Variants in DAB1 observed in about 807,000 individuals in gnomAD.
DAB1 encodes the protein DAB adaptor protein 1, also known as disabled homolog 1.
Under a neutral mutation model 64.6 loss-of-function variants are expected in DAB1, and 15 were observed. The observed-to-expected ratio is 0.23, with a 90% CI of 0.16 to 0.36. The LOEUF is 0.36. DAB1 is among the 10% of genes least tolerant of loss of function. The pLI, the probability that DAB1 is intolerant of heterozygous loss-of-function variation, is 1.00. For synonymous variants in DAB1, 235 were observed against 251.9 expected (o/e 0.93, Z 0.64); for missense variants, 596 against 706.7 (o/e 0.84, Z 1.78).
At chr1:57,815,241 T>C (rs1254945668) in intron 6 of DAB1, among the ~76,000 whole-genome samples, 1 of 152,046 alleles carries the variant, frequency 6.6e-6, no homozygotes, top group Non-Finnish European at 1.5e-5. Flanking sequence ...GCTAATTTTT[T>C]GTATTTTTAG....
intron 4 of DAB1, among the ~76,000 whole-genome samples, chr1:58,151,314 G>A (rs1654922996): frequency 1.3e-5 from 2 of 152,342 alleles, no homozygotes; most frequent in African/African-American, 2.4e-5. Context: ...CACCAACAGT[G>A]TAAAAGTGTT....
intron 5 of DAB1, among the ~76,000 whole-genome samples, chr1:58,019,480 T>C (rs1474712231): frequency 2.6e-5 from 4 of 152,228 alleles, no homozygotes; most frequent in African/African-American, 4.8e-5. Flanking sequence ...AATTATTGCC[T>C]ACGTACTATG....
intron 5 of DAB1, among the ~76,000 whole-genome samples, chr1:57,974,175 T>C (rs1645864761): frequency 6.6e-6 from 1 of 152,160 alleles, no homozygotes; most frequent in South Asian, 2.1e-4. Flanking sequence ...GACTGTCTCC[T>C]CATTTAGATT....
intron 5 of DAB1, among the ~76,000 whole-genome samples, chr1:58,036,106 G>C (rs557925938): frequency 6.6e-6 from 1 of 152,314 alleles, no homozygotes; most frequent in Admixed American, 6.5e-5. Context: ...GGGAAACCGG[G>C]GTAGGAAGTT....
At chr1:57,710,959 T>C (rs535702263) in intron 6 of DAB1, among the ~76,000 whole-genome samples, 2 of 152,248 alleles carry the variant, frequency 1.3e-5, no homozygotes, top group South Asian at 2.1e-4. Flanking sequence ...GCTGCTCCAG[T>C]TGGAGACACT....
chr1:58,256,168 G>T (rs182425448), intron 4 of DAB1, among the ~76,000 whole-genome samples: 4 of 152,330 alleles, frequency 2.6e-5, no homozygotes. Context: ...CCTCTCCAGT[G>T]CAAGTTTAAG....
intron 7 of DAB1, among the ~76,000 whole-genome samples, chr1:57,597,818 T>C (rs1288032450): frequency 6.6e-6 from 1 of 152,254 alleles, no homozygotes; most frequent in African/African-American, 2.4e-5. Flanking sequence ...TTAGATTATT[T>C]GTTCATTCAG....
intron 4 of DAB1, among the ~76,000 whole-genome samples, chr1:57,090,437 T>C (rs1653545813): frequency 6.6e-6 from 1 of 152,190 alleles, no homozygotes; most frequent in African/African-American, 2.4e-5. Flanking sequence ...CAATGGGGAA[T>C]ATCAAGGGGC....
chr1:57,746,748 C>T (rs1195456676), intron 6 of DAB1, among the ~76,000 whole-genome samples: 1 of 152,050 alleles, frequency 6.6e-6, no homozygotes, highest in African/African-American at 2.4e-5. Context: ...TATATTGTAT[C>T]ATTTTTATTT....
At chr1:58,236,267 C>A (rs1660034731) in intron 4 of DAB1, among the ~76,000 whole-genome samples, 2 of 152,262 alleles carry the variant, frequency 1.3e-5, no homozygotes, top group South Asian at 4.2e-4. Flanking sequence ...GTTGGATTCT[C>A]CCATGCATAC....
At chr1:57,762,291 TTG>T (rs10543400) in intron 6 of DAB1, among the ~76,000 whole-genome samples, 88,624 of 151,538 alleles carry the variant, frequency 0.58, 26,040 homozygotes, top group East Asian at 0.65. Context: ...TGGTAAAAGC[TTG>T]TGTGTGTGTG....
intron 2 of DAB1, among the ~76,000 whole-genome samples, chr1:57,276,012 A>G (rs1210617661): frequency 6.6e-6 from 1 of 152,244 alleles, no homozygotes; most frequent in Non-Finnish European, 1.5e-5. Flanking sequence ...AAAGCTAAAG[A>G]AAATTAGATC....
chr1:57,175,860 C>CAGTA lies in DAB1; in HGVS notation c.68-30435_68-30432dup, dbSNP rs548858942. On this transcript the variant is annotated intron_variant, in intron 2 of 14. Transcript: ENST00000371236. The stretch of plus-strand genomic sequence containing the variant: ...AGTAAAGCCACATTTTCAGGAAAGG[C>CAGTA]AGTACTTCCAGGCTGATATTCTGAG... 3.0e-4 allele frequency among the ~76,000 whole-genome samples: 45 copies of CAGTA among 152,292 alleles called. 1 individual carries two copies. The South Asian group carries it at 8.1e-3, about 27-fold the overall frequency.
intron 6 of DAB1, among the ~76,000 whole-genome samples, chr1:57,686,118 T>C (rs150777686): frequency 6.6e-6 from 1 of 152,246 alleles, no homozygotes; most frequent in Non-Finnish European, 1.5e-5. Flanking sequence ...AAACCAAACA[T>C]TGGTTTTTCA....
chr1:57,650,789 C>T (rs1436574933), intron 6 of DAB1, among the ~76,000 whole-genome samples: 3 of 152,148 alleles, frequency 2.0e-5, no homozygotes, highest in African/African-American at 4.8e-5. Flanking sequence ...CTCCCTATTC[C>T]CCAGCAATAC....
At chr1:58,265,633 A>G (rs1180024892) in intron 4 of DAB1, among the ~76,000 whole-genome samples, 1 of 152,180 alleles carries the variant, frequency 6.6e-6, no homozygotes, top group Non-Finnish European at 1.5e-5. Context: ...AAAATCTGTG[A>G]ATTTTCTACT....
chr1:58,458,234 C>A (rs1480460262), intron 3 of DAB1, among the ~76,000 whole-genome samples: 1 of 152,188 alleles, frequency 6.6e-6, no homozygotes, highest in Non-Finnish European at 1.5e-5. Flanking sequence ...TAGTGGCTGC[C>A]ATATCAGACC....
chr1:57,253,553 T>C (rs542508846), intron 2 of DAB1, among the ~76,000 whole-genome samples: 2 of 152,230 alleles, frequency 1.3e-5, no homozygotes, highest in African/African-American at 4.8e-5. Context: ...TTGAATTTAG[T>C]GATCCCCAGG....
chr1:57,100,994 G>A (rs7516262), intron 4 of DAB1, among the ~76,000 whole-genome samples: 3,878 of 152,170 alleles, frequency 0.025, 168 homozygotes, highest in African/African-American at 0.088. Flanking sequence ...ACTATGAGTG[G>A]TGCCATTTCC....
Sources: gnomAD v4.1 joint callset for allele counts (sites outside exome capture counted in the v4.1 genomes callset) on GRCh38, gnomAD v4.1.1 for gene constraint, MANE v1.5 for transcripts, NCBI Gene and HGNC (gene_info 2026-07-23, HGNC 2026-07-21) for gene names.